GPR19: variants seen among roughly 807,000 people sequenced by gnomAD.
GPR19 encodes the protein G protein-coupled receptor 19, also known as probable G protein-coupled receptor 19.
GPR19 carries 14 observed loss-of-function variants against 28.5 expected under a neutral mutation model. The observed-to-expected ratio is 0.49, with a 90% confidence interval of 0.32 to 0.77. The LOEUF is 0.77. GPR19 is among the 30% of genes least tolerant of loss of function. GPR19 has a pLI of 0.03. For synonymous variants in GPR19, 173 were observed against 184.1 expected (o/e 0.94, Z 0.49); for missense variants, 409 against 504.1 (o/e 0.81, Z 1.81).
At chr12:12,698,904 C>A (rs1023759418), upstream of GPR19, among the ~76,000 whole-genome samples, 1 of 152,062 alleles carries the variant, frequency 6.6e-6, no homozygotes, top group Non-Finnish European at 1.5e-5. Flanking sequence ...GCCACTGTGC[C>A]CAGCCCATTT....
chr12:12,690,604 T>G (rs1371805417), intron 2 of GPR19, among the ~76,000 whole-genome samples: 3 of 152,248 alleles, frequency 2.0e-5, no homozygotes, highest in Admixed American at 2.0e-4. Flanking sequence ...TGAGATCAAC[T>G]AGTTCTGCTT....
chr12:12,706,511 T>A, the GPR19 span, among the ~76,000 whole-genome samples: 1 of 152,192 alleles, frequency 6.6e-6, no homozygotes, highest in Non-Finnish European at 1.5e-5. Context: ...TCCAAATGTG[T>A]ATCTCCAGCA....
chr12:12,670,925 C>G (rs1468394731), intron 3 of GPR19, among the ~76,000 whole-genome samples: 1 of 152,108 alleles, frequency 6.6e-6, no homozygotes, highest in Non-Finnish European at 1.5e-5. Context: ...TTGTCCAGAT[C>G]AAACTTTTTA....
At chr12:12,667,200 G>C (rs10845601) in intron 3 of GPR19, among the ~76,000 whole-genome samples, 1 of 151,976 alleles carries the variant, frequency 6.6e-6, no homozygotes, top group Non-Finnish European at 1.5e-5. Flanking sequence ...TTTCCTGTTC[G>C]ACCTATCTCT....
At chr12:12,676,148 T>C (rs1473182344) in intron 3 of GPR19, among the ~76,000 whole-genome samples, 1 of 152,230 alleles carries the variant, frequency 6.6e-6, no homozygotes, top group Non-Finnish European at 1.5e-5. Context: ...CTACTTCACC[T>C]TACACATTGG....
the GPR19 span, among the ~76,000 whole-genome samples, chr12:12,712,717 C>A: frequency 6.6e-6 from 1 of 152,140 alleles, no homozygotes; most frequent in Admixed American, 6.6e-5. Flanking sequence ...ATCACCCAGG[C>A]TGGAGTGCAA....
chr12:12,713,634 G>C, the GPR19 span, among the ~76,000 whole-genome samples: 1 of 152,112 alleles, frequency 6.6e-6, no homozygotes, highest in African/African-American at 2.4e-5. Flanking sequence ...CTGTGTTCAA[G>C]TCATTATCCT....
chr12:12,691,697 C>T (rs557374012), intron 2 of GPR19, among the ~76,000 whole-genome samples: 14 of 152,232 alleles, frequency 9.2e-5, no homozygotes, highest in African/African-American at 2.9e-4. Context: ...GGATCTAAAA[C>T]AGCAAAGTAG....
chr12:12,716,796 T>C, the GPR19 span: 3 of 985,156 alleles, frequency 3.0e-6, no homozygotes, highest in Non-Finnish European at 3.6e-6. Context: ...GAGCGAACCA[T>C]TGCCCACTGC....
intron 2 of GPR19, among the ~76,000 whole-genome samples, chr12:12,686,781 C>A (rs1946103308): frequency 6.6e-6 from 1 of 152,144 alleles, no homozygotes; most frequent in Non-Finnish European, 1.5e-5. Context: ...TGACTTACTA[C>A]TATGGCCCCT....
chr12:12,692,691 GTTGTTTTTT>G (rs1413141224), intron 2 of GPR19, among the ~76,000 whole-genome samples: 2 of 149,684 alleles, frequency 1.3e-5, no homozygotes, highest in Non-Finnish European at 3.0e-5. Context: ...CCTAATTATA[GTTGTTTTTT>G]TTGTTTTTTT....
chr12:12,693,121 G>A (rs577735283), intron 2 of GPR19, among the ~76,000 whole-genome samples: 123 of 152,316 alleles, frequency 8.1e-4, no homozygotes, highest in South Asian at 2.1e-3. Flanking sequence ...CTTAGAAGCT[G>A]AAATTGCTGA....
At chr12:12,692,508 C>T (rs1946198154) in intron 2 of GPR19, among the ~76,000 whole-genome samples, 1 of 152,042 alleles carries the variant, frequency 6.6e-6, no homozygotes, top group Non-Finnish European at 1.5e-5. Context: ...GCTAGGATTA[C>T]AGGCGTGAGC....
chr12:12,703,327 G>A, the GPR19 span: 2 of 951,404 alleles, frequency 2.1e-6, no homozygotes, highest in Non-Finnish European at 2.5e-6. Context: ...TTGATTGTGA[G>A]ACACAGTCTC....
chr12:12,692,284 C>T (rs1946192758), intron 2 of GPR19, among the ~76,000 whole-genome samples: 1 of 152,204 alleles, frequency 6.6e-6, no homozygotes. Context: ...GGCCACTTAT[C>T]TAACTCCAGA....
At position 12,683,082 on chromosome 12, in the gene GPR19, A is replaced by G. The variant is rs1167389008; in HGVS notation, c.-23+1269T>C. On this transcript the variant is annotated intron_variant, in intron 3 of 3. Transcript: ENST00000651487. ...TAGGCTGGCCTTGCTAGGTTCTAGG[A>G]TGGAAGAGTGTTTCTACGTTCGATT... Among the ~76,000 whole-genome samples, 3 of 152,182 alleles carry G rather than the reference A, an allele frequency of 2.0e-5. No homozygotes were observed. In the East Asian group the frequency reaches 5.8e-4, roughly 29 times the overall value.
intron 3 of GPR19, among the ~76,000 whole-genome samples, chr12:12,681,191 T>C (rs1592263048): frequency 6.6e-6 from 1 of 152,228 alleles, no homozygotes; most frequent in East Asian, 1.9e-4. Flanking sequence ...GTCCACACTC[T>C]GGTCCTTCTC....
the GPR19 span, among the ~76,000 whole-genome samples, chr12:12,711,844 A>G: frequency 6.6e-6 from 1 of 152,094 alleles, no homozygotes; most frequent in Non-Finnish European, 1.5e-5. Flanking sequence ...CAATCCTCTT[A>G]TATGTTCCAG....
chr12:12,677,656 C>T (rs1945952213), intron 3 of GPR19, among the ~76,000 whole-genome samples: 2 of 152,048 alleles, frequency 1.3e-5, no homozygotes, highest in Admixed American at 6.6e-5. Context: ...CATGGCTGAA[C>T]ATGTATTTTC....
Sources: gnomAD v4.1 joint callset for allele counts (sites outside exome capture counted in the v4.1 genomes callset) on GRCh38, gnomAD v4.1.1 for gene constraint, MANE v1.5 for transcripts, NCBI Gene and HGNC (gene_info 2026-07-23, HGNC 2026-07-21) for gene names.